Variants in FARP1 observed in about 807,000 individuals in gnomAD.
The protein encoded by FARP1 is FERM, ARHGEF and pleckstrin domain-containing protein 1.
A neutral mutation model predicts 128.8 loss-of-function variants in FARP1; 52 were observed. That is an observed-to-expected ratio of 0.40 (90% CI 0.32 to 0.51). The LOEUF (loss-of-function observed/expected upper bound fraction) is 0.51. Among genes scored for constraint, FARP1 ranks in the 20% least tolerant of loss-of-function variants. The pLI is 0.45. For missense variants in FARP1, 1,333 were observed against 1,367.9 expected (o/e 0.97, Z 0.40); for synonymous variants, 580 against 551.8 (o/e 1.05, Z -0.72).
chr13:98,357,714 T>C (rs1478210620), intron 3 of FARP1, among the ~76,000 whole-genome samples: 3 of 152,226 alleles, frequency 2.0e-5, no homozygotes, highest in African/African-American at 7.2e-5. Context: ...AGGTTAGTTT[T>C]TACTGATTTT....
intron 2 of FARP1, among the ~76,000 whole-genome samples, chr13:98,270,376 C>G (rs1345274684): frequency 1.3e-5 from 2 of 152,090 alleles, no homozygotes; most frequent in African/African-American, 4.8e-5. Context: ...TCCAAGAGCT[C>G]TCGGTGCTCT....
intron 1 of FARP1, among the ~76,000 whole-genome samples, chr13:98,171,802 A>G (rs568374122): frequency 9.2e-5 from 14 of 152,298 alleles, no homozygotes; most frequent in African/African-American, 3.4e-4. Flanking sequence ...CCCACCAATG[A>G]GGTAGCCTCT....
chr13:98,446,562 G>A, intron 25 of FARP1, 104 bp from the exon 26 acceptor site: 1 of 1,230,506 alleles, frequency 8.1e-7, no homozygotes. Flanking sequence ...CCCGAGGAGG[G>A]AGCTGCCTGG....
chr13:98,185,045 C>T (rs1268285911), intron 1 of FARP1, among the ~76,000 whole-genome samples: 2 of 152,108 alleles, frequency 1.3e-5, no homozygotes, highest in Non-Finnish European at 2.9e-5. Flanking sequence ...TGTGTGGTAG[C>T]ACATTCCTAT....
chr13:98,194,028 C>T (rs1879408031), intron 1 of FARP1, among the ~76,000 whole-genome samples: 1 of 152,048 alleles, frequency 6.6e-6, no homozygotes, highest in Non-Finnish European at 1.5e-5. Flanking sequence ...CTCTATAATG[C>T]ATTCTTCATG....
intron 1 of FARP1, 63 bp from the exon 2 acceptor site, chr13:98,213,157 G>A: frequency 4.3e-6 from 6 of 1,385,826 alleles, no homozygotes; most frequent in Non-Finnish European, 5.9e-6. Context: ...GTTCAAGGTG[G>A]CACACAGCTT....
At chr13:98,278,336 TGTGA>T (rs1884769155) in intron 2 of FARP1, among the ~76,000 whole-genome samples, 1 of 152,060 alleles carries the variant, frequency 6.6e-6, no homozygotes, top group Non-Finnish European at 1.5e-5. Flanking sequence ...TGTATATGTG[TGTGA>T]GTGTGAATGC....
At chr13:98,431,790 G>A (rs11618969) in intron 18 of FARP1, 56,780 of 152,294 alleles carry the variant, frequency 0.37, 10,815 homozygotes, top group East Asian at 0.47. Flanking sequence ...AGAAGGTGCT[G>A]ATGATCGTCA....
intron 16 of FARP1, among the ~76,000 whole-genome samples, chr13:98,417,999 A>G (rs1217298500): frequency 1.3e-5 from 2 of 152,244 alleles, no homozygotes; most frequent in Non-Finnish European, 2.9e-5. Context: ...ATGTCCATTG[A>G]CATGAGTGGC....
intron 2 of FARP1, among the ~76,000 whole-genome samples, chr13:98,225,211 G>C (rs1376493503): frequency 6.6e-6 from 1 of 152,186 alleles, no homozygotes; most frequent in Non-Finnish European, 1.5e-5. Flanking sequence ...TATTAGAGCT[G>C]TTAAACGGGA....
chr13:98,235,932 C>G (rs1434183002), intron 2 of FARP1, among the ~76,000 whole-genome samples: 1 of 151,750 alleles, frequency 6.6e-6, no homozygotes, highest in African/African-American at 2.4e-5. Context: ...AAAGCAATTC[C>G]CCTGCCTCAG....
intron 2 of FARP1, among the ~76,000 whole-genome samples, chr13:98,243,532 A>G (rs1882894443): frequency 6.6e-6 from 1 of 150,930 alleles, no homozygotes; most frequent in Non-Finnish European, 1.5e-5. Context: ...TGTCTCTACT[A>G]AAAATAAAAA....
intron 5 of FARP1, among the ~76,000 whole-genome samples, chr13:98,373,862 A>G (rs1889464007): frequency 6.6e-6 from 1 of 152,226 alleles, no homozygotes; most frequent in African/African-American, 2.4e-5. Flanking sequence ...AAACCTCTAT[A>G]GCTAATACTA....
intron 3 of FARP1, among the ~76,000 whole-genome samples, chr13:98,351,352 C>T (rs1377578357): frequency 6.6e-6 from 1 of 152,178 alleles, no homozygotes; most frequent in Non-Finnish European, 1.5e-5. Flanking sequence ...GTGGCTCACG[C>T]CTGTAATCCC....
Position 98,163,547 on chromosome 13 carries a change from T to TA in FARP1, c.-24+20055_-24+20056insA, listed in dbSNP as rs1286422624. On this transcript the variant is annotated intron_variant, in intron 1 of 26. Transcript: ENST00000319562. The stretch of plus-strand genomic sequence containing the variant: ...TCAAATCCTTATTTGTTGGTGTTTT[T>TA]TTTTTTTGAGATGGGATCTCACTCT... Among the ~76,000 whole-genome samples the TA allele has an allele frequency of 3.3e-5, 5 of 151,928 alleles. No homozygotes were observed. In the East Asian group the frequency reaches 9.7e-4, roughly 29 times the overall value.
At chr13:98,192,368 A>G (rs1323182507) in intron 1 of FARP1, among the ~76,000 whole-genome samples, 1 of 151,710 alleles carries the variant, frequency 6.6e-6, no homozygotes, top group Non-Finnish European at 1.5e-5. Flanking sequence ...ATTGCCATCA[A>G]CCCCAGCAAT....
rs1231692790 is a variant in FARP1 at position 98,293,346 on chromosome 13, C to A, written c.172-50416C>A. Among the ~76,000 whole-genome samples, 7 of 152,176 alleles carry A rather than the reference C, an allele frequency of 4.6e-5. No homozygotes were observed. The East Asian group carries it at 1.4e-3, about 29-fold the overall frequency. On this transcript the variant is annotated intron_variant, in intron 2 of 26. Transcript: ENST00000319562. ...AAGTGACATTGTTCTCATAGCAGAG[C>A]CATGTTGTGCTACTGCTGCCAGATG...
intron 1 of FARP1, among the ~76,000 whole-genome samples, chr13:98,177,449 C>G (rs911488237): frequency 6.6e-6 from 1 of 151,864 alleles, no homozygotes; most frequent in African/African-American, 2.4e-5. Context: ...CAGTTTAAGA[C>G]CAGCCTGGCC....
intron 2 of FARP1, among the ~76,000 whole-genome samples, chr13:98,250,670 G>A (rs1250941484): frequency 3.3e-5 from 5 of 150,524 alleles, no homozygotes; most frequent in East Asian, 3.9e-4. Flanking sequence ...GCAGTGAGCC[G>A]AGATCACACC....
Sources: allele counts gnomAD v4.1 joint callset (sites outside exome capture counted in the v4.1 genomes callset), GRCh38; gene constraint gnomAD v4.1.1; transcripts MANE v1.5; gene names NCBI Gene and HGNC (gene_info 2026-07-23, HGNC 2026-07-21).